The following TREH variants were observed in gnomAD, a reference collection of about 807,000 sequenced individuals.
TREH encodes trehalase.
A neutral mutation model predicts 80.5 loss-of-function variants in TREH; 69 were observed. The ratio of observed to expected loss-of-function variants is 0.86; its 90% CI spans 0.71 to 1.05. TREH has a LOEUF of 1.05. Ranked by LOEUF, TREH falls within the 50% of genes least tolerant of loss-of-function variation. The pLI, the probability that TREH is intolerant of heterozygous loss-of-function variation, is 0.00. For synonymous variants in TREH, 309 were observed against 293.5 expected (o/e 1.05, Z -0.54); for missense variants, 716 against 718.8 (o/e 1.00, Z 0.04).
intron 1 of TREH, among the ~76,000 whole-genome samples, chr11:118,673,241 C>A: frequency 6.6e-6 from 1 of 152,118 alleles, no homozygotes; most frequent in African/African-American, 2.4e-5. Context: ...GGTGGAGTAT[C>A]TTTTGTTCTG....
At chr11:118,672,138 G>A (rs1016596766) in intron 1 of TREH, among the ~76,000 whole-genome samples, 7 of 152,262 alleles carry the variant, frequency 4.6e-5, no homozygotes, top group South Asian at 2.1e-4. Context: ...GGTGGCTCAC[G>A]CCTGTAATCC....
chr11:118,672,759 C>A (rs1468776575), intron 1 of TREH, among the ~76,000 whole-genome samples: 3 of 141,822 alleles, frequency 2.1e-5, no homozygotes, highest in Admixed American at 7.0e-5. Flanking sequence ...AGGTACAAAA[C>A]TCACTGGTAA....
chr11:118,664,760 T>G (rs1260367891), intron 1 of TREH, among the ~76,000 whole-genome samples: 4 of 152,030 alleles, frequency 2.6e-5, no homozygotes, highest in Admixed American at 2.6e-4. Context: ...ACATTTGCTG[T>G]CTACAGTGGG....
At chr11:118,658,880 G>A (rs1949264078) in intron 13 of TREH, 25 bp downstream of exon 13, 2 of 1,612,408 alleles carry the variant, frequency 1.2e-6, no homozygotes, top group African/African-American at 1.3e-5. Context: ...GCCTGGGGGT[G>A]CAGGGAGGGC....
At chr11:118,659,063 C>G (rs782685325) in intron 12 of TREH, 46 bp from the exon 13 acceptor site, 40 of 1,572,498 alleles carry the variant, frequency 2.5e-5, no homozygotes, top group Non-Finnish European at 3.1e-5. Flanking sequence ...TCTCCCATCC[C>G]AGACAGAGCA....
At position 118,661,838 on chromosome 11, in the gene TREH, C is replaced by T; in HGVS notation, c.524+52G>A. 6.3e-7 allele frequency: 1 copy of T among 1,577,816 alleles called. No individual in the cohort carries two copies. The highest frequency in any genetic ancestry group is 8.6e-7 in the Non-Finnish European group (1 of 1,159,608). ...GACACCCTGCTGGCCCTGGGTTTCT[C>T]CACCACTGCCAGTCCTGCAGGCCCC... On this transcript the variant is annotated intron_variant, in intron 5 of 14. Transcript: ENST00000264029. The surrounding 1 kb of genome is among the most constrained non-coding windows in gnomAD (Gnocchi z 4.2).
chr11:118,661,178 ACATAATAG>A lies in TREH; in HGVS notation c.831_838del (p.Tyr278ProfsTer8). On this transcript the variant is annotated frameshift_variant, in exon 8 of 15. Transcript: ENST00000264029. LOFTEE classifies it high-confidence loss of function. The surrounding 1 kb of genome is among the most constrained non-coding windows in gnomAD (Gnocchi z 4.2). ...TCCTCACCTGGGTCCCCCATAAGGGACATAATAGCGATTCAGGAGGTAGTTCTTTCCCT... is the reference window on the plus strand; with the variant it reads ...TCCTCACCTGGGTCCCCCATAAGGGACGATTCAGGAGGTAGTTCTTTCCCT... 1 of 1,613,894 alleles carries A rather than the reference ACATAATAG, an allele frequency of 6.2e-7. No homozygotes were observed. The highest frequency in any genetic ancestry group is 8.5e-7 in the Non-Finnish European group (1 of 1,179,874).
Position 118,661,625 on chromosome 11 carries a change from G to C in TREH, c.617+12C>G, listed in dbSNP as rs1555145000. The stretch of plus-strand genomic sequence containing the variant: ...CTCCCCACCTAGGCTGGAGGTGCCT[G>C]GCCCCCCTCACGTTTTCACCAGGTC... On this transcript the variant is annotated intron_variant, in intron 6 of 14. Coordinates refer to ENST00000264029, the MANE Select transcript of TREH (RefSeq NM_007180.3). The surrounding 1 kb of genome is among the most constrained non-coding windows in gnomAD (Gnocchi z 4.2). 1 of 1,613,896 alleles carries C rather than the reference G, an allele frequency of 6.2e-7. No homozygotes were observed. Among genetic ancestry groups the C allele is most frequent in the South Asian group, 1.1e-5 (1 of 91,078 alleles).
rs1359570567 is a variant in TREH, at chr11:118,660,631, C to T, written c.1010G>A (p.Ser337Asn). ...LIGGPNPNSL[S>N]GIRTSKLVPV... ...CACCAGTTTGCTTGTTCGGATGCCG[C>T]TAAGCGAGTTGGGGTTTGGGCCTCC... is the stretch of plus-strand genomic sequence containing the variant. Residue 337 changes from serine (S) to asparagine (N), a missense_variant, in exon 10 of 15, where the codon AGC becomes AAC. By Grantham distance (46) the Ser-to-Asn change is conservative. Coordinates refer to ENST00000264029, the MANE Select transcript of TREH (RefSeq NM_007180.3). 1.2e-6 allele frequency: 2 copies of T among 1,608,492 alleles called. No individual in the cohort carries two copies. Among genetic ancestry groups the T allele is most frequent in the Non-Finnish European group, 1.7e-6 (2 of 1,177,504 alleles).
chr11:118,673,291 C>T (rs1355989223), intron 1 of TREH, among the ~76,000 whole-genome samples: 1 of 152,208 alleles, frequency 6.6e-6, no homozygotes, highest in Non-Finnish European at 1.5e-5. Context: ...TTTGCATCTA[C>T]CACTGGCCAT....
At chr11:118,659,554 G>A (rs1419718267) in intron 11 of TREH, 73 bp from the exon 12 acceptor site, 4 of 1,417,768 alleles carry the variant, frequency 2.8e-6, no homozygotes, top group Admixed American at 2.6e-5. Context: ...GCTGGACCCC[G>A]CGGGAAGCCA....
intron 1 of TREH, among the ~76,000 whole-genome samples, chr11:118,668,586 A>AAAAG (rs1949401589): frequency 6.6e-6 from 1 of 151,272 alleles, no homozygotes; most frequent in Admixed American, 6.6e-5. Context: ...AAAAAAAAAA[A>AAAAG]AAAGATTTTC....
intron 1 of TREH, among the ~76,000 whole-genome samples, chr11:118,664,846 T>A (rs1251015762): frequency 4.6e-5 from 7 of 152,138 alleles, no homozygotes; most frequent in Admixed American, 4.6e-4. Flanking sequence ...CAGTGGCTCA[T>A]GCCTGTAATC....
At chr11:118,660,414 A>G in intron 10 of TREH, 125 bp downstream of exon 10, 1 of 962,800 alleles carries the variant, frequency 1.0e-6, no homozygotes, top group Non-Finnish European at 1.5e-6. Flanking sequence ...GGCTTCCACT[A>G]GGGCGGGGCT....
intron 12 of TREH, 96 bp from the exon 13 acceptor site, chr11:118,659,113 T>A: frequency 7.5e-7 from 1 of 1,330,624 alleles, no homozygotes; most frequent in Non-Finnish European, 1.1e-6. Flanking sequence ...GAAAGAGGCC[T>A]GGGCCCTAAG....
rs149304065 is a variant in TREH at position 118,663,517 on chromosome 11, G to A, written c.90-78C>T. ...ACAGAAGAGAAGGCTAGAGTCTGTG[G>A]TAGACTGGTCAAGGCATGTTCCCTG... On this transcript the variant is annotated intron_variant, in intron 1 of 14. Transcript: ENST00000264029. 7.7e-4 allele frequency: 918 copies of A among 1,199,154 alleles called. 3 individuals carry two copies. In the African/African-American group the frequency reaches 0.012, roughly 15 times the overall value. 74.3% of individuals were successfully genotyped at this position (1,199,154 alleles called of 1,614,324 possible). A position where few individuals can be genotyped will look rare whatever the true frequency, so the allele number is the denominator to read the frequency against.
In TREH at chr11:118,658,664, C is replaced by G. The variant is rs781815011; in HGVS notation, c.1599+16G>C. On this transcript the variant is annotated intron_variant, in intron 14 of 14. Transcript: ENST00000264029. ...GAGTTCCCTGGTGTTGGCCAGCCCA[C>G]CCCTGGCCTGCTCACCTGAACTTCA... 6.3e-7 allele frequency: 1 copy of G among 1,578,768 alleles called. No individual in the cohort carries two copies. Among genetic ancestry groups the G allele is most frequent in the South Asian group, 1.2e-5 (1 of 86,652 alleles).
At chr11:118,665,596 C>T (rs1003553615) in intron 1 of TREH, among the ~76,000 whole-genome samples, 2 of 152,094 alleles carry the variant, frequency 1.3e-5, no homozygotes, top group Non-Finnish European at 2.9e-5. Context: ...GCCGAGATCA[C>T]GCCACTGCAC....
In TREH at chr11:118,679,538, C is replaced by A; in HGVS notation, c.89+1G>T. On this transcript the variant is annotated splice_donor_variant, in intron 1 of 14. Transcript: ENST00000264029. LOFTEE classifies it high-confidence loss of function. ...CCCTGCTGCCTTCCCCACACCCCTA[C>A]CTCTCACAGGGTGGGGGTAGGGCCT... The A allele has an allele frequency of 3.3e-6, 5 of 1,501,478 alleles. No homozygotes were observed. In the South Asian group the frequency reaches 5.3e-5, roughly 16 times the overall value. The allele number at this position is 1,501,478 out of a possible 1,614,324, so 93.0% of individuals were successfully genotyped here. A position where few individuals can be genotyped will look rare whatever the true frequency, so the allele number is the denominator to read the frequency against.
Sources: allele counts gnomAD v4.1 joint callset (sites outside exome capture counted in the v4.1 genomes callset), GRCh38; gene constraint gnomAD v4.1.1; non-coding constraint Gnocchi (gnomAD v3.1); transcripts MANE v1.5; gene names NCBI Gene and HGNC (gene_info 2026-07-23, HGNC 2026-07-21).